Variants in NCKAP5 observed in about 807,000 individuals in gnomAD.
The protein encoded by NCKAP5 is nck-associated protein 5.
In NCKAP5, 92 loss-of-function variants were observed where a neutral mutation model predicts 167.0. The ratio of observed to expected loss-of-function variants is 0.55; its 90% CI spans 0.47 to 0.66. NCKAP5 has a LOEUF of 0.66. Among genes scored for constraint, NCKAP5 ranks in the 30% least tolerant of loss-of-function variants. NCKAP5 has a pLI of 0.00. For missense variants in NCKAP5, 2,378 were observed against 2,315.0 expected (o/e 1.03, Z -0.56); for synonymous variants, 891 against 877.4 (o/e 1.02, Z -0.27).
the NCKAP5 span, among the ~76,000 whole-genome samples, chr2:133,632,643 T>A: frequency 1.2e-4 from 18 of 152,286 alleles, no homozygotes; most frequent in South Asian, 8.3e-4. Flanking sequence ...TGCTGTCTCA[T>A]CCTCCTGCGT....
chr2:133,277,222 G>C (rs2089765798), intron 4 of NCKAP5, among the ~76,000 whole-genome samples: 1 of 152,044 alleles, frequency 6.6e-6, no homozygotes, highest in Non-Finnish European at 1.5e-5. Context: ...ATAATAATTG[G>C]AAAAGAGCAA....
chr2:133,310,298 A>G (rs549342482), intron 3 of NCKAP5, among the ~76,000 whole-genome samples: 2 of 152,334 alleles, frequency 1.3e-5, no homozygotes, highest in African/African-American at 4.8e-5. Flanking sequence ...TAGGAGTCCC[A>G]GCTTGAACAG....
intron 4 of NCKAP5, among the ~76,000 whole-genome samples, chr2:133,217,721 T>C (rs1162975204): frequency 1.3e-5 from 2 of 152,106 alleles, no homozygotes; most frequent in African/African-American, 4.8e-5. Flanking sequence ...TATTTGTGAT[T>C]TGCTGAATGA....
chr2:133,588,712 T>C, the NCKAP5 span, among the ~76,000 whole-genome samples: 2 of 152,152 alleles, frequency 1.3e-5, no homozygotes, highest in Non-Finnish European at 2.9e-5. Context: ...TAGTGGTAAG[T>C]ATCATGGAGA....
At chr2:132,985,500 A>G (rs1490611414) in intron 7 of NCKAP5, among the ~76,000 whole-genome samples, 1 of 152,214 alleles carries the variant, frequency 6.6e-6, no homozygotes, top group Non-Finnish European at 1.5e-5. Context: ...TGTAGGATGT[A>G]GAATAAAAAA....
At chr2:133,276,035 C>T (rs2089714536) in intron 4 of NCKAP5, among the ~76,000 whole-genome samples, 1 of 151,968 alleles carries the variant, frequency 6.6e-6, no homozygotes, top group Non-Finnish European at 1.5e-5. Flanking sequence ...AAGACCAACT[C>T]TTCCTCTTTT....
chr2:132,987,742 C>G (rs1484780563), intron 7 of NCKAP5, among the ~76,000 whole-genome samples: 1 of 152,174 alleles, frequency 6.6e-6, no homozygotes, highest in Admixed American at 6.5e-5. Context: ...TACTTAACCT[C>G]TCTATGCTCT....
chr2:133,223,638 A>T (rs1335873233), intron 4 of NCKAP5, among the ~76,000 whole-genome samples: 3 of 152,158 alleles, frequency 2.0e-5, no homozygotes, highest in Non-Finnish European at 4.4e-5. Flanking sequence ...TTTTTCCAAT[A>T]CGTAACATCA....
intron 3 of NCKAP5, among the ~76,000 whole-genome samples, chr2:133,448,210 G>T (rs1289065676): frequency 6.7e-6 from 1 of 150,120 alleles, no homozygotes; most frequent in African/African-American, 2.5e-5. Flanking sequence ...TCTCCCCTTT[G>T]TCAACCTTCT....
chr2:132,751,374 G>A (rs535366282), intron 16 of NCKAP5, among the ~76,000 whole-genome samples: 29 of 152,204 alleles, frequency 1.9e-4, no homozygotes, highest in Non-Finnish European at 3.7e-4. Flanking sequence ...CTGGCACCAT[G>A]CTTGTACGGC....
chr2:133,669,636 A>G, the NCKAP5 span, among the ~76,000 whole-genome samples: 9,453 of 152,276 alleles, frequency 0.062, 951 homozygotes, highest in African/African-American at 0.21. Flanking sequence ...AATGACTATA[A>G]TGTTACATAG....
At position 132,672,688 on chromosome 2, in the gene NCKAP5, G is replaced by C. The variant is rs1683895272; in HGVS notation, c.*601C>G. The C allele has an allele frequency of 6.5e-6, 1 of 152,696 alleles. No individual in the cohort carries two copies. Among genetic ancestry groups the C allele is most frequent in the South Asian group, 2.1e-4 (1 of 4,828 alleles). The allele number at this position is 152,696 out of a possible 1,614,324, so 9.5% of individuals were successfully genotyped here. On this transcript the variant is annotated 3_prime_UTR_variant, in exon 20 of 20. Coordinates refer to ENST00000409261, the MANE Select transcript of NCKAP5 (RefSeq NM_207363.3). ...TACATTATTTCAAGAGCATGGCACT[G>C]ATTCCATTTATTGCTGTCTTTTTTT...
the NCKAP5 span, among the ~76,000 whole-genome samples, chr2:133,624,134 AGGGT>A: frequency 6.6e-6 from 1 of 151,944 alleles, no homozygotes; most frequent in Non-Finnish European, 1.5e-5. Context: ...CTTGGGGAAA[AGGGT>A]GGGGGATGGT....
chr2:133,170,044 T>G (rs2084172789), intron 5 of NCKAP5, among the ~76,000 whole-genome samples: 1 of 152,320 alleles, frequency 6.6e-6, no homozygotes, highest in Middle Eastern at 3.4e-3. Context: ...TTGGATGATG[T>G]TTTAAAAAAT....
At chr2:132,809,240 C>T (rs1233982173) in intron 11 of NCKAP5, among the ~76,000 whole-genome samples, 1 of 152,012 alleles carries the variant, frequency 6.6e-6, no homozygotes. Context: ...AATGTGTATT[C>T]TGCGGTTGTT....
At chr2:133,086,619 G>C (rs922608529) in intron 6 of NCKAP5, among the ~76,000 whole-genome samples, 7 of 152,086 alleles carry the variant, frequency 4.6e-5, no homozygotes, top group Admixed American at 3.9e-4. Context: ...TCCAGCCTGA[G>C]TGACAGAGCA....
intron 8 of NCKAP5, among the ~76,000 whole-genome samples, chr2:132,951,825 C>A (rs1249341102): frequency 6.6e-6 from 1 of 152,110 alleles, no homozygotes; most frequent in East Asian, 1.9e-4. Flanking sequence ...CTGGGGACTG[C>A]TCATCAATCA....
At chr2:132,795,589 G>A (rs1684512889) in intron 12 of NCKAP5, among the ~76,000 whole-genome samples, 1 of 152,074 alleles carries the variant, frequency 6.6e-6, no homozygotes. Context: ...GGGAGGCCGA[G>A]GCAGGCAGAT....
intron 6 of NCKAP5, among the ~76,000 whole-genome samples, chr2:133,124,103 C>T (rs1274320384): frequency 6.6e-6 from 1 of 152,184 alleles, no homozygotes; most frequent in African/African-American, 2.4e-5. Context: ...AGGAGAATCC[C>T]CATTACAGTA....
Sources: allele counts gnomAD v4.1 joint callset (sites outside exome capture counted in the v4.1 genomes callset), GRCh38; gene constraint gnomAD v4.1.1; transcripts MANE v1.5; gene names NCBI Gene and HGNC (gene_info 2026-07-23, HGNC 2026-07-21).